The following C1orf141 variants were observed in gnomAD, a reference collection of about 807,000 sequenced individuals.
C1orf141 encodes chromosome 1 open reading frame 141.
C1orf141 carries 19 observed loss-of-function variants against 23.2 expected under a neutral mutation model. The ratio of observed to expected loss-of-function variants is 0.82; its 90% CI spans 0.57 to 1.20. C1orf141 has a LOEUF of 1.20. C1orf141 is among the 50% of genes most tolerant of loss of function. The pLI, the probability that C1orf141 is intolerant of heterozygous loss-of-function variation, is 0.00. For synonymous variants in C1orf141, 153 were observed against 154.6 expected (o/e 0.99, Z 0.08); for missense variants, 469 against 455.1 (o/e 1.03, Z -0.28).
chr1:67,115,074 T>C (rs1448741478), intron 5 of C1orf141, among the ~76,000 whole-genome samples: 1 of 152,276 alleles, frequency 6.6e-6, no homozygotes, highest in East Asian at 1.9e-4. Context: ...ATTCTCAGCA[T>C]TGAGCTGAAA....
chr1:67,101,462 G>GTGTC (rs1645797926), intron 5 of C1orf141, among the ~76,000 whole-genome samples: 1 of 150,540 alleles, frequency 6.6e-6, no homozygotes, highest in African/African-American at 2.4e-5. Flanking sequence ...GTGTGTGTGT[G>GTGTC]TGTGTGTGTG....
At chr1:67,095,443 G>T in intron 6 of C1orf141, 22 bp from the exon 7 acceptor site, 1 of 1,405,522 alleles carries the variant, frequency 7.1e-7, no homozygotes, top group Non-Finnish European at 9.6e-7. Context: ...CACAGTTCAG[G>T]GTAGTGTTCA....
chr1:67,093,658 T>G (rs1349981959), intron 7 of C1orf141, 54 bp from the exon 8 acceptor site: 3 of 1,364,210 alleles, frequency 2.2e-6, no homozygotes, highest in Non-Finnish European at 2.9e-6. Flanking sequence ...TCAAGAAAGC[T>G]CCATATATTT....
chr1:67,126,403 G>T (rs903911848), intron 3 of C1orf141, among the ~76,000 whole-genome samples: 3 of 152,140 alleles, frequency 2.0e-5, no homozygotes, highest in Admixed American at 6.6e-5. Flanking sequence ...GAAGAAAAAG[G>T]ATCTAGCTAA....
chr1:67,125,104 G>A (rs567467987), intron 4 of C1orf141, among the ~76,000 whole-genome samples: 34 of 152,300 alleles, frequency 2.2e-4, no homozygotes, highest in Non-Finnish European at 4.3e-4. Flanking sequence ...CAGAGAAATT[G>A]CCTTACTTAG....
Position 67,093,055 on chromosome 1 carries a change from G to A in C1orf141, c.1153C>T (p.Pro385Ser), listed in dbSNP as rs535752897. The A allele has an allele frequency of 4.4e-6, 7 of 1,598,312 alleles. No individual in the cohort carries two copies. Among genetic ancestry groups the A allele is most frequent in the Non-Finnish European group, 4.3e-6 (5 of 1,166,540 alleles). Residue 385 changes from proline to serine, a missense_variant, in exon 8 of 8, where the codon CCA (proline) becomes TCA (serine). By Grantham distance (74) the Pro-to-Ser change is moderately conservative (BLOSUM62 -1). Transcript: ENST00000684719. ...GATAAGTTTAACAAATTATCCAGTG[G>A]CGTTACATTATTTAGTTCATATATA... Reference protein sequence around the residue: ...KYIYELNNVTPLDNLLNLSNE... With the variant: ...KYIYELNNVTSLDNLLNLSNE...
intron 5 of C1orf141, among the ~76,000 whole-genome samples, chr1:67,106,205 A>G (rs951740122): frequency 1.3e-5 from 2 of 152,208 alleles, no homozygotes; most frequent in Non-Finnish European, 2.9e-5. Flanking sequence ...TTCACAATAC[A>G]ATAGTCACAA....
chr1:67,096,261 C>G lies in C1orf141; in HGVS notation c.407G>C (p.Arg136Thr), dbSNP rs755533394. Reference protein sequence around the residue: ...LDSVGLLEGDRNKRKKSPQMN... With the variant: ...LDSVGLLEGDTNKRKKSPQMN... ...TTTTAAAATAAATTACCTTTTATTT[C>G]TATCACCTTCTAAGAGACCAACAGA... The change falls in exon 6 of 8, where the codon AGA becomes ACA. Residue 136 changes from arginine (R) to threonine (T), a missense_variant. Arg to Thr is a moderately conservative substitution (Grantham distance 71, BLOSUM62 -1). Around this residue, in one of 3 missense-constraint regions of C1orf141, gnomAD observed 370 missense variants for 348.1 expected, o/e 1.06. Coordinates refer to ENST00000684719, the MANE Select transcript of C1orf141 (RefSeq NM_001276351.2). The G allele has an allele frequency of 4.8e-6, 7 of 1,471,300 alleles. No homozygotes were observed. The highest frequency in any genetic ancestry group is 6.5e-6 in the Non-Finnish European group (7 of 1,074,780). 91.1% of individuals were successfully genotyped at this position (1,471,300 alleles called of 1,614,324 possible).
At chr1:67,123,289 C>G (rs1646337509) in intron 4 of C1orf141, 1 of 151,678 alleles carries the variant, frequency 6.6e-6, no homozygotes, top group Non-Finnish European at 1.5e-5. Context: ...GGGAGATTGA[C>G]AGCTTTTCTT....
intron 5 of C1orf141, among the ~76,000 whole-genome samples, chr1:67,112,737 T>A (rs1466715746): frequency 6.6e-6 from 1 of 152,010 alleles, no homozygotes; most frequent in African/African-American, 2.4e-5. Flanking sequence ...AACCAAGGGG[T>A]GAATAATTGA....
upstream of C1orf141, among the ~76,000 whole-genome samples, chr1:67,135,276 A>G (rs892472499): frequency 2.0e-5 from 3 of 152,248 alleles, no homozygotes; most frequent in African/African-American, 4.8e-5. Flanking sequence ...TTTCCTGGAA[A>G]CATCGAATTT....
chr1:67,121,958 A>G (rs1380413156), intron 4 of C1orf141: 1 of 152,256 alleles, frequency 6.6e-6, no homozygotes, highest in Non-Finnish European at 1.5e-5. Context: ...ACGAGGGGTG[A>G]GATCAAAATA....
At chr1:67,112,147 C>T (rs1022557802) in intron 5 of C1orf141, among the ~76,000 whole-genome samples, 2 of 152,138 alleles carry the variant, frequency 1.3e-5, no homozygotes, top group African/African-American at 4.8e-5. Flanking sequence ...GTTACATAGC[C>T]ATAGCCATAG....
chr1:67,095,744 C>A (rs1645665218), intron 6 of C1orf141: 1 of 214,614 alleles, frequency 4.7e-6, no homozygotes, highest in East Asian at 1.1e-4. Flanking sequence ...GAAGAAGCTC[C>A]ACAGGGCAGC....
chr1:67,107,966 C>A (rs538305391), intron 5 of C1orf141, among the ~76,000 whole-genome samples: 1 of 152,236 alleles, frequency 6.6e-6, no homozygotes, highest in South Asian at 2.1e-4. Flanking sequence ...ACTGCCTACT[C>A]CCTGCCCTCA....
chr1:67,111,675 T>C, intron 5 of C1orf141: 1 of 1,081,352 alleles, frequency 9.2e-7, no homozygotes, highest in Non-Finnish European at 1.3e-6. Context: ...ATTTCCATGC[T>C]ATTAAGTTAC....
At chr1:67,112,536 T>TAAAAAAACTTTTTTTTAGAG (rs1646095936) in intron 5 of C1orf141, among the ~76,000 whole-genome samples, 1 of 150,590 alleles carries the variant, frequency 6.6e-6, no homozygotes, top group Non-Finnish European at 1.5e-5. Flanking sequence ...ACCCTGTCTC[T>TAAAAAAACTTTTTTTTAGAG]AAAAAAAAAG....
intron 5 of C1orf141, among the ~76,000 whole-genome samples, chr1:67,106,543 A>G (rs550973627): frequency 6.6e-6 from 1 of 152,284 alleles, no homozygotes; most frequent in South Asian, 2.1e-4. Context: ...TCTGTAGTCC[A>G]GCTACTCAGG....
chr1:67,118,452 C>T (rs1346961325), intron 4 of C1orf141, among the ~76,000 whole-genome samples: 1 of 152,158 alleles, frequency 6.6e-6, no homozygotes, highest in African/African-American at 2.4e-5. Flanking sequence ...CATCTTATTC[C>T]TCAGTTGCAC....
Sources: gnomAD v4.1 joint callset for allele counts (sites outside exome capture counted in the v4.1 genomes callset) on GRCh38, gnomAD v4.1.1 for gene constraint, gnomAD v4.1.1 regional missense constraint, MANE v1.5 for transcripts, NCBI Gene and HGNC (gene_info 2026-07-23, HGNC 2026-07-21) for gene names.